Variants in ASTN2 observed in about 807,000 individuals in gnomAD.
The protein encoded by ASTN2 is astrotactin 2.
A neutral mutation model predicts 139.8 loss-of-function variants in ASTN2; 54 were observed. The observed-to-expected ratio is 0.39, with a 90% CI of 0.31 to 0.48. The LOEUF (loss-of-function observed/expected upper bound fraction) is 0.48, where lower values mean the gene tolerates loss of function less well. Among genes scored for constraint, ASTN2 ranks in the 20% least tolerant of loss-of-function variants. ASTN2 has a pLI of 0.95. For synonymous variants in ASTN2, 756 were observed against 719.5 expected, an observed-to-expected ratio of 1.05 and a Z score of -0.81; for missense variants, 1,565 against 1,725.1, an observed-to-expected ratio of 0.91 and a Z score of 1.64.
intron 16 of ASTN2, among the ~76,000 whole-genome samples, chr9:116,708,364 AT>A (rs1828050050): frequency 6.6e-6 from 1 of 152,234 alleles, no homozygotes; most frequent in Non-Finnish European, 1.5e-5. Flanking sequence ...CTTTTAATTC[AT>A]AGATTTGGCT....
At chr9:117,116,601 T>A (rs1829398593) in intron 4 of ASTN2, among the ~76,000 whole-genome samples, 1 of 150,710 alleles carries the variant, frequency 6.6e-6, no homozygotes, top group African/African-American at 2.4e-5. Flanking sequence ...TTTTTAATTC[T>A]GCACAATGCT....
chr9:117,309,879 T>C (rs1166749019), intron 1 of ASTN2, among the ~76,000 whole-genome samples: 1 of 152,092 alleles, frequency 6.6e-6, no homozygotes, highest in Non-Finnish European at 1.5e-5. Context: ...TTTAGAAAGG[T>C]CCCATGCTGA....
chr9:116,642,619 A>C (rs1857398389), intron 17 of ASTN2, among the ~76,000 whole-genome samples: 1 of 152,180 alleles, frequency 6.6e-6, no homozygotes, highest in Non-Finnish European at 1.5e-5. Context: ...TCTATTCTCC[A>C]GGAGAAAAAT....
chr9:116,612,705 G>A (rs1049112658), intron 19 of ASTN2: 1 of 152,078 alleles, frequency 6.6e-6, no homozygotes, highest in Non-Finnish European at 1.5e-5. Context: ...GAATCTCTGG[G>A]ACACATTTAA....
At chr9:117,211,170 T>C (rs547525462) in intron 3 of ASTN2, among the ~76,000 whole-genome samples, 2 of 152,148 alleles carry the variant, frequency 1.3e-5, no homozygotes, top group African/African-American at 2.4e-5. Context: ...CTAGATTTCC[T>C]AGCCAGAGCA....
At chr9:116,539,780 C>T (rs1377309293) in intron 19 of ASTN2, among the ~76,000 whole-genome samples, 1 of 152,162 alleles carries the variant, frequency 6.6e-6, no homozygotes. Flanking sequence ...GGATTTACAA[C>T]TTATGAATTG....
intron 2 of ASTN2, among the ~76,000 whole-genome samples, chr9:117,219,225 C>T (rs533998475): frequency 1.3e-5 from 2 of 152,240 alleles, no homozygotes; most frequent in East Asian, 3.9e-4. Context: ...TGGTCCACAC[C>T]CATAGAATTA....
intron 7 of ASTN2, among the ~76,000 whole-genome samples, chr9:117,003,761 G>C (rs1837263616): frequency 6.6e-6 from 1 of 151,546 alleles, no homozygotes; most frequent in East Asian, 2.0e-4. Context: ...TGTCTACTGG[G>C]CTTCACAGAT....
At chr9:117,174,844 C>T (rs944075594) in intron 3 of ASTN2, among the ~76,000 whole-genome samples, 19 of 151,988 alleles carry the variant, frequency 1.3e-4, no homozygotes, top group African/African-American at 4.3e-4. Context: ...AAAAACCTAA[C>T]ACTCTATCAT....
At chr9:117,370,500 G>A (rs1417338636) in intron 1 of ASTN2, among the ~76,000 whole-genome samples, 1 of 152,032 alleles carries the variant, frequency 6.6e-6, no homozygotes, top group African/African-American at 2.4e-5. Context: ...ATCTTCCAAA[G>A]AACATGTTAC....
At chr9:116,765,278 G>A (rs1242366472) in intron 13 of ASTN2, among the ~76,000 whole-genome samples, 3 of 152,128 alleles carry the variant, frequency 2.0e-5, no homozygotes, top group Non-Finnish European at 4.4e-5. Context: ...GCAGCTGAGT[G>A]CACAGACAGT....
chr9:117,383,823 C>T (rs1211380107), intron 1 of ASTN2, among the ~76,000 whole-genome samples: 3 of 152,112 alleles, frequency 2.0e-5, no homozygotes, highest in East Asian at 1.9e-4. Context: ...CAAATGGAGC[C>T]GGGTGCAATT....
chr9:117,029,769 T>G (rs1163742380), intron 6 of ASTN2, among the ~76,000 whole-genome samples: 1 of 151,856 alleles, frequency 6.6e-6, no homozygotes, highest in Non-Finnish European at 1.5e-5. Flanking sequence ...GCATTTTAAC[T>G]ATCTATCTTC....
At chr9:117,201,645 G>C (rs777518013) in intron 3 of ASTN2, among the ~76,000 whole-genome samples, 1 of 152,060 alleles carries the variant, frequency 6.6e-6, no homozygotes, top group Non-Finnish European at 1.5e-5. Context: ...GAAAATGTGT[G>C]GTTTTGAGTG....
At chr9:117,137,362 C>A (rs1160385458) in intron 4 of ASTN2, among the ~76,000 whole-genome samples, 1 of 152,164 alleles carries the variant, frequency 6.6e-6, no homozygotes, top group Non-Finnish European at 1.5e-5. Context: ...CCTAAGGAAG[C>A]AGAAAGAGGG....
At position 116,440,775 on chromosome 9, in the gene ASTN2, A is replaced by G; in HGVS notation, c.3616T>C (p.Tyr1206His). 2 of 1,613,624 alleles carry G rather than the reference A, an allele frequency of 1.2e-6. No individual in the cohort carries two copies. The highest frequency in any genetic ancestry group is 1.7e-6 in the Non-Finnish European group (2 of 1,179,606). ...CTTGTGTACCCATTGTACAGATTGTAGATCTTGTCAGCTATTTCTGAGAGG... is the reference window on the plus strand; with the variant it reads ...CTTGTGTACCCATTGTACAGATTGTGGATCTTGTCAGCTATTTCTGAGAGG... Reference protein sequence around the residue: ...NKAEEIADKIYNLYNGYTSGK... With the variant: ...NKAEEIADKIHNLYNGYTSGK... The change falls in exon 22 of 23, where the codon TAC becomes CAC. Residue 1206 changes from tyrosine (Y) to histidine (H), a missense_variant. By Grantham distance (83) the Tyr-to-His change is moderately conservative. Around this residue, in one of 4 missense-constraint regions of ASTN2, gnomAD observed 418 missense variants for 465.8 expected, o/e 0.90. Coordinates refer to ENST00000313400, the MANE Select transcript of ASTN2 (RefSeq NM_001365068.1).
intron 10 of ASTN2, among the ~76,000 whole-genome samples, chr9:116,895,490 A>G (rs576521960): frequency 6.6e-6 from 1 of 152,298 alleles, no homozygotes; most frequent in Non-Finnish European, 1.5e-5. Context: ...AAGAGGGTGG[A>G]AGTGGAAGCG....
In ASTN2 at chr9:117,354,572, A is replaced by G. The variant is rs908277463; in HGVS notation, c.442+59925T>C. Reference sequence around the variant, plus strand: ...CTGAGTAAGTATCACAGCTCATATCATTGTTTTGTTACTGATCTGTCTTTT... The same window carrying G: ...CTGAGTAAGTATCACAGCTCATATCGTTGTTTTGTTACTGATCTGTCTTTT... On this transcript the variant is annotated intron_variant, in intron 1 of 22. Coordinates refer to ENST00000313400, the MANE Select transcript of ASTN2 (RefSeq NM_001365068.1). Among the ~76,000 whole-genome samples, 3 of 152,012 alleles carry G rather than the reference A, an allele frequency of 2.0e-5. No homozygotes were observed. In the South Asian group the frequency reaches 6.2e-4, roughly 32 times the overall value.
At chr9:116,986,152 T>C (rs538846294) in intron 7 of ASTN2, among the ~76,000 whole-genome samples, 15 of 143,444 alleles carry the variant, frequency 1.0e-4, no homozygotes, top group African/African-American at 4.4e-4. Flanking sequence ...TGTGCTGTTG[T>C]CCAGGCTGCC....
Sources: allele counts gnomAD v4.1 joint callset (sites outside exome capture counted in the v4.1 genomes callset), GRCh38; gene constraint gnomAD v4.1.1; regional missense constraint gnomAD v4.1.1; transcripts MANE v1.5; gene names NCBI Gene and HGNC (gene_info 2026-07-23, HGNC 2026-07-21).